SH2D1A: variants seen among roughly 807,000 people sequenced by gnomAD.
The protein encoded by SH2D1A is SH2 domain containing 1A.
In SH2D1A, 6 loss-of-function variants were observed where a neutral mutation model predicts 10.1. The observed-to-expected ratio is 0.60, with a 90% CI of 0.33 to 1.18. The LOEUF is 1.18. Ranked by LOEUF, SH2D1A falls within the 50% of genes most tolerant of loss-of-function variation. The pLI is 0.04. For missense variants in SH2D1A, 51 were observed against 97.6 expected, an observed-to-expected ratio of 0.52 and a Z score of 2.01; for synonymous variants, 42 against 36.9, an observed-to-expected ratio of 1.14 and a Z score of -0.51.
intron 1 of SH2D1A, among the ~76,000 whole-genome samples, chrX:124,356,482 C>G (rs935481147): frequency 1.1e-4 from 12 of 112,474 alleles, no homozygotes; most frequent in Non-Finnish European, 5.6e-5. Flanking sequence ...GAGTCTCTCT[C>G]TGTCGCCCAG....
intron 2 of SH2D1A, among the ~76,000 whole-genome samples, chrX:124,367,050 C>T (rs1183269071): frequency 9.0e-6 from 1 of 110,933 alleles, no homozygotes; most frequent in East Asian, 2.8e-4. Context: ...AACTTGTTTT[C>T]CTGCATTTTG....
rs772996320 is a variant in SH2D1A, at chrX:124,369,257, A to G, written c.202-919A>G. ...AAACAACTTAAAAAAAAAACTAGTC[A>G]TTGTTCAATTGCTCATAGCAATACT... On this transcript the variant is annotated intron_variant, in intron 2 of 3. Coordinates refer to ENST00000371139, the MANE Select transcript of SH2D1A (RefSeq NM_002351.5). 3.8e-4 allele frequency among the ~76,000 whole-genome samples: 42 copies of G among 111,309 alleles called. No homozygotes were observed. The South Asian group carries it at 6.5e-3, about 17-fold the overall frequency.
intron 2 of SH2D1A, chrX:124,367,803 C>T (rs1159125407): frequency 1.8e-5 from 2 of 111,720 alleles, no homozygotes; most frequent in Non-Finnish European, 3.8e-5. Flanking sequence ...TTATATGACT[C>T]AGACTAAAAG....
chrX:124,368,826 G>C (rs781668735), intron 2 of SH2D1A, among the ~76,000 whole-genome samples: 9 of 112,363 alleles, frequency 8.0e-5, no homozygotes, highest in Non-Finnish European at 1.1e-4. Flanking sequence ...TTGTGCCTAT[G>C]ACCTGCATTT....
At chrX:124,361,517 G>A (rs2060040146) in intron 1 of SH2D1A, among the ~76,000 whole-genome samples, 1 of 111,829 alleles carries the variant, frequency 8.9e-6, no homozygotes, top group African/African-American at 3.3e-5. Flanking sequence ...GTAATGAGTA[G>A]AGGCTGGAGG....
At chrX:124,364,508 T>C (rs865976551) in intron 1 of SH2D1A, 2 of 176,733 alleles carry the variant, frequency 1.1e-5, no homozygotes, top group Middle Eastern at 1.8e-3. Flanking sequence ...ATTGAAGCGA[T>C]ACAGTTTTTT....
chrX:124,370,825 G>T (rs1230310700), intron 3 of SH2D1A, among the ~76,000 whole-genome samples: 2 of 111,975 alleles, frequency 1.8e-5, no homozygotes, highest in Non-Finnish European at 3.8e-5. Context: ...ATTAAATAGT[G>T]CACTTTATTG....
At position 124,371,744 on chromosome X, in the gene SH2D1A, ATTATT is replaced by A. The variant is rs1018326927; in HGVS notation, c.*358_*362del. On this transcript the variant is annotated 3_prime_UTR_variant, in exon 4 of 4. Transcript: ENST00000371139. Reference sequence around the variant, plus strand: ...TGAAAAGCTCCATTTTTAGTGAAATATTATTTTATAGCTACTAATTTTAAAATGTC... The same window carrying A: ...TGAAAAGCTCCATTTTTAGTGAAATATTATAGCTACTAATTTTAAAATGTC... 7 of 175,354 alleles carry A rather than the reference ATTATT, an allele frequency of 4.0e-5. No homozygotes were observed. The highest frequency in any genetic ancestry group is 2.1e-4 in the African/African-American group (7 of 33,309). 14.5% of individuals were successfully genotyped at this position (175,354 alleles called of 1,213,427 possible).
intron 1 of SH2D1A, among the ~76,000 whole-genome samples, chrX:124,362,288 A>C (rs1307622300): frequency 1.8e-5 from 2 of 112,145 alleles, no homozygotes; most frequent in African/African-American, 6.5e-5. Flanking sequence ...TGGGGCCATC[A>C]CCCTAGCCAA....
rs184170486 is a variant in SH2D1A at position 124,362,397 on chromosome X, A to G, written c.138-3364A>G. On this transcript the variant is annotated intron_variant, in intron 1 of 3. Coordinates refer to ENST00000371139, the MANE Select transcript of SH2D1A (RefSeq NM_002351.5). ...TCGAAGAGGATTATTCTTGAGCCTT[A>G]AGAGCTAATGGAGTTTGCCTTGCTA... 3.0e-4 allele frequency among the ~76,000 whole-genome samples: 34 copies of G among 112,414 alleles called. 1 individual carries two copies. Among genetic ancestry groups the G allele is most frequent in the African/African-American group, 1.1e-3 (33 of 30,955 alleles).
Position 124,371,541 on chromosome X carries a change from C to A in SH2D1A, c.*150C>A. ...GGAAGCATCTAGCATGTCGTCAAAG[C>A]TGAAATGGACTTTTGTACATAGTGA... On this transcript the variant is annotated 3_prime_UTR_variant, in exon 4 of 4. Coordinates refer to ENST00000371139, the MANE Select transcript of SH2D1A (RefSeq NM_002351.5). 2.8e-6 allele frequency: 1 copy of A among 353,764 alleles called. No individual in the cohort carries two copies. The highest frequency in any genetic ancestry group is 4.9e-6 in the Non-Finnish European group (1 of 203,602). The allele number at this position is 353,764 out of a possible 1,213,427, so 29.2% of individuals were successfully genotyped here.
At chrX:124,350,238 ATATTATAT>A (rs2060005672) in intron 1 of SH2D1A, among the ~76,000 whole-genome samples, 1 of 20,802 alleles carries the variant, frequency 4.8e-5, no homozygotes, top group African/African-American at 7.5e-4. Flanking sequence ...ATATTATATA[ATATTATAT>A]AATATATAAT....
intron 1 of SH2D1A, among the ~76,000 whole-genome samples, chrX:124,350,526 A>G (rs1166489797): frequency 4.1e-5 from 2 of 48,917 alleles, no homozygotes; most frequent in African/African-American, 1.8e-4. Context: ...ATTATATACT[A>G]TATATAATAT....
chrX:124,354,518 A>C (rs1442929006), intron 1 of SH2D1A, among the ~76,000 whole-genome samples: 2 of 111,437 alleles, frequency 1.8e-5, no homozygotes, highest in Non-Finnish European at 3.8e-5. Flanking sequence ...AAGAGCCCAG[A>C]TCTTCCAGCC....
chrX:124,350,517 T>C (rs1193859043), intron 1 of SH2D1A, among the ~76,000 whole-genome samples: 40 of 41,735 alleles, frequency 9.6e-4, no homozygotes, highest in African/African-American at 2.8e-3. Flanking sequence ...TAAATATATA[T>C]TATATACTAT....
At chrX:124,369,929 G>C (rs1427774382) in intron 2 of SH2D1A, among the ~76,000 whole-genome samples, 1 of 111,610 alleles carries the variant, frequency 9.0e-6, no homozygotes, top group Non-Finnish European at 1.9e-5. Context: ...CAATGAGCAA[G>C]AGCTTGTACA....
intron 1 of SH2D1A, among the ~76,000 whole-genome samples, chrX:124,351,647 C>G (rs2060015358): frequency 9.0e-6 from 1 of 110,798 alleles, no homozygotes; most frequent in African/African-American, 3.3e-5. Context: ...CACTCTATCT[C>G]TTTATTTTCC....
At position 124,372,467 on chromosome X, in the gene SH2D1A, C is replaced by T. The variant is rs184348681; in HGVS notation, c.*1076C>T. 4 of 169,215 alleles carry T rather than the reference C, an allele frequency of 2.4e-5. No homozygotes were observed. The highest frequency in any genetic ancestry group is 8.1e-5 in the Admixed American group (1 of 12,283). 13.9% of individuals were successfully genotyped at this position (169,215 alleles called of 1,213,427 possible). On this transcript the variant is annotated 3_prime_UTR_variant, in exon 4 of 4. Coordinates refer to ENST00000371139, the MANE Select transcript of SH2D1A (RefSeq NM_002351.5). The stretch of plus-strand genomic sequence containing the variant: ...GCTCTCAGTTCACTGTCTTGTTGGA[C>T]GAGAAAACAATAACGATAAAAGACA...
chrX:124,347,855 A>T (rs901912057), intron 1 of SH2D1A, among the ~76,000 whole-genome samples: 16 of 110,717 alleles, frequency 1.4e-4, no homozygotes, highest in South Asian at 3.9e-4. Flanking sequence ...CTAAGGAAGG[A>T]CCTAGCTCAG....
Sources: allele counts gnomAD v4.1 joint callset (sites outside exome capture counted in the v4.1 genomes callset), GRCh38; gene constraint gnomAD v4.1.1; transcripts MANE v1.5; gene names NCBI Gene and HGNC (gene_info 2026-07-23, HGNC 2026-07-21).